Variants in ERCC6 observed in about 807,000 individuals in gnomAD.
ERCC6 encodes the protein DNA excision repair protein ERCC-6.
Under a neutral mutation model 158.7 loss-of-function variants are expected in ERCC6, and 116 were observed. The ratio of observed to expected loss-of-function variants is 0.73; its 90% CI spans 0.63 to 0.85. ERCC6 has a LOEUF of 0.85. Among genes scored for constraint, ERCC6 ranks in the 40% least tolerant of loss-of-function variants. The probability of loss-of-function intolerance (pLI) is 0.00; values close to 1 mark genes in which losing one functional copy is unlikely to be tolerated. For missense variants in ERCC6, 1,698 were observed against 1,799.4 expected, an observed-to-expected ratio of 0.94 and a Z score of 1.02; for synonymous variants, 678 against 659.3, an observed-to-expected ratio of 1.03 and a Z score of -0.43.
At chr10:49,495,758 G>C (rs112805069) in intron 7 of ERCC6, among the ~76,000 whole-genome samples, 67 of 152,236 alleles carry the variant, frequency 4.4e-4, no homozygotes, top group African/African-American at 1.5e-3. Flanking sequence ...CCTACACTGA[G>C]TTCACATCAT....
intron 10 of ERCC6, among the ~76,000 whole-genome samples, chr10:49,480,171 C>T (rs897153977): frequency 1.3e-5 from 2 of 152,180 alleles, no homozygotes; most frequent in African/African-American, 4.8e-5. Flanking sequence ...CTGACATGCT[C>T]CCCATCACCT....
intron 12 of ERCC6, chr10:49,475,481 ATGAC>A: frequency 2.3e-6 from 1 of 429,072 alleles, no homozygotes; most frequent in Non-Finnish European, 4.6e-6. Context: ...ATAGATGTGA[ATGAC>A]TGAAGAACCT....
At chr10:49,525,031 C>G in intron 4 of ERCC6, 1 of 769,020 alleles carries the variant, frequency 1.3e-6, no homozygotes, top group Non-Finnish European at 1.9e-6. Context: ...TAAATATACT[C>G]TCTGCCATCC....
chr10:49,513,704 C>G (rs925115863), intron 5 of ERCC6, among the ~76,000 whole-genome samples: 1 of 152,138 alleles, frequency 6.6e-6, no homozygotes, highest in African/African-American at 2.4e-5. Flanking sequence ...AACTAACTAT[C>G]GTGAGAACAG....
chr10:49,525,583 C>G (rs1291252002), intron 4 of ERCC6, among the ~76,000 whole-genome samples: 2 of 152,156 alleles, frequency 1.3e-5, no homozygotes, highest in Non-Finnish European at 2.9e-5. Flanking sequence ...TACCAAAAGA[C>G]CTAAGGCTTA....
downstream of ERCC6, among the ~76,000 whole-genome samples, chr10:49,450,233 G>A (rs2078596866): frequency 6.6e-6 from 1 of 152,126 alleles, no homozygotes; most frequent in South Asian, 2.1e-4. Context: ...CTATCCACTT[G>A]TCCCAGCACC....
In ERCC6 at chr10:49,458,660, C is replaced by A. The variant is rs1321060729; in HGVS notation, c.*155G>T. The A allele has an allele frequency of 2.2e-5, 16 of 719,544 alleles. No homozygotes were observed. In the Admixed American group the frequency reaches 3.2e-4, roughly 15 times the overall value. The allele number at this position is 719,544 out of a possible 1,614,324, so 44.6% of individuals were successfully genotyped here. A position where few individuals can be genotyped will look rare whatever the true frequency, so the allele number is the denominator to read the frequency against. ...ACTTTTAACTTTCAGAGAAGAGTTT[C>A]TTCTTCCTTAAAGTTTTAATTCTGA... On this transcript the variant is annotated 3_prime_UTR_variant, in exon 21 of 21. Transcript: ENST00000355832.
At chr10:49,515,989 T>C (rs1836947103) in intron 5 of ERCC6, 1 of 1,614,106 alleles carries the variant, frequency 6.2e-7, no homozygotes, top group Non-Finnish European at 8.5e-7. Flanking sequence ...TGATCCTTTC[T>C]CACTGTACCT....
rs55801003 is a variant in ERCC6, at chr10:49,526,117, T to TTATATATA, written c.653-1348_653-1341dup. On this transcript the variant is annotated intron_variant, in intron 4 of 20. Coordinates refer to ENST00000355832, the MANE Select transcript of ERCC6 (RefSeq NM_000124.4). ...TATATATTTATATATTTATATATTT[T>TTATATATA]TATATATATATATATATATATATAT... Among the ~76,000 whole-genome samples, 99 of 43,402 alleles carry TTATATATA rather than the reference T, an allele frequency of 2.3e-3. 1 individual carries two copies. Among genetic ancestry groups the TTATATATA allele is most frequent in the African/African-American group, 4.5e-3 (52 of 11,560 alleles). 28.5% of individuals were successfully genotyped at this position (43,402 alleles called of 152,430 possible). A position where few individuals can be genotyped will look rare whatever the true frequency, so the allele number is the denominator to read the frequency against.
intron 18 of ERCC6, among the ~76,000 whole-genome samples, chr10:49,464,644 T>G (rs546147831): frequency 6.6e-6 from 1 of 152,318 alleles, no homozygotes; most frequent in Admixed American, 6.5e-5. Flanking sequence ...ATGGTCCCCA[T>G]GCTGTGTGCA....
intron 5 of ERCC6, among the ~76,000 whole-genome samples, chr10:49,518,847 T>C (rs924212324): frequency 3.3e-5 from 5 of 152,234 alleles, no homozygotes; most frequent in Non-Finnish European, 5.9e-5. Flanking sequence ...GAAGACATTC[T>C]GTAAGACTTA....
At chr10:49,529,678 C>T (rs900204637) in intron 3 of ERCC6, among the ~76,000 whole-genome samples, 7 of 152,130 alleles carry the variant, frequency 4.6e-5, no homozygotes, top group Admixed American at 6.5e-5. Context: ...ACTGAACCAA[C>T]GCACAGCCCT....
At chr10:49,509,542 G>A (rs1235308441) in intron 5 of ERCC6, among the ~76,000 whole-genome samples, 7 of 152,116 alleles carry the variant, frequency 4.6e-5, no homozygotes, top group Admixed American at 2.6e-4. Flanking sequence ...GGTACCTGCT[G>A]GAATATCTCA....
At chr10:49,490,651 A>C (rs7072383) in intron 8 of ERCC6, among the ~76,000 whole-genome samples, 131,525 of 152,190 alleles carry the variant, frequency 0.86, 57,413 homozygotes, top group East Asian at 1. Context: ...CCACGCCCGG[A>C]CAATTTTCAA....
Position 49,500,554 on chromosome 10 carries a change from G to C in ERCC6, c.1669C>G (p.Arg557Gly), listed in dbSNP as rs115582915. Reference protein sequence around the residue: ...AGLSYSKIRTRGSNYRFEGLG... With the variant: ...AGLSYSKIRTGGSNYRFEGLG... ...AGCACTTGCCTGTAATTTGAACCAC[G>C]AGTCCTGATCTTGCTGTAGCTCAGA... Residue 557 changes from arginine to glycine, a missense_variant, in exon 7 of 21, where the codon CGT becomes GGT. Coordinates refer to ENST00000355832, the MANE Select transcript of ERCC6 (RefSeq NM_000124.4). 1.9e-6 allele frequency: 3 copies of C among 1,613,854 alleles called. No individual in the cohort carries two copies. Among genetic ancestry groups the C allele is most frequent in the East Asian group, 4.5e-5 (2 of 44,878 alleles).
intron 8 of ERCC6, among the ~76,000 whole-genome samples, chr10:49,489,716 C>A (rs1172215762): frequency 6.6e-6 from 1 of 152,068 alleles, no homozygotes. Flanking sequence ...AGCAATTTAT[C>A]ATTATGTATC....
chr10:49,451,821 T>G (rs988956096), downstream of ERCC6, among the ~76,000 whole-genome samples: 2 of 152,196 alleles, frequency 1.3e-5, no homozygotes, highest in Admixed American at 1.3e-4. Context: ...CTATAATTTA[T>G]TTGATTGTTT....
chr10:49,529,086 C>A (rs1312890141), intron 3 of ERCC6, among the ~76,000 whole-genome samples: 1 of 152,218 alleles, frequency 6.6e-6, no homozygotes, highest in East Asian at 1.9e-4. Context: ...CCTGGCCACG[C>A]CAGACTCCTC....
At chr10:49,463,507 A>T (rs1850620052) in intron 18 of ERCC6, among the ~76,000 whole-genome samples, 1 of 152,244 alleles carries the variant, frequency 6.6e-6, no homozygotes, top group South Asian at 2.1e-4. Context: ...AAAGGAACAG[A>T]AGATAATATA....
Sources: allele counts gnomAD v4.1 joint callset (sites outside exome capture counted in the v4.1 genomes callset), GRCh38; gene constraint gnomAD v4.1.1; transcripts MANE v1.5; gene names NCBI Gene and HGNC (gene_info 2026-07-23, HGNC 2026-07-21).